The following SYNE1 variants were observed in gnomAD, a reference collection of about 807,000 sequenced individuals.
The protein encoded by SYNE1 is spectrin repeat containing nuclear envelope protein 1, also known as nesprin-1.
Under a neutral mutation model 1,111.0 loss-of-function variants are expected in SYNE1, and 616 were observed. That is an observed-to-expected ratio of 0.55 (90% CI 0.52 to 0.59). The LOEUF (loss-of-function observed/expected upper bound fraction) is 0.59. SYNE1 is among the 20% of genes least tolerant of loss of function. The pLI, the probability that SYNE1 is intolerant of heterozygous loss-of-function variation, is 0.00. For synonymous variants in SYNE1, 3,855 were observed against 3,825.8 expected (o/e 1.01, Z -0.28); for missense variants, 10,006 against 10,417.0 (o/e 0.96, Z 1.72).
intron 38 of SYNE1, among the ~76,000 whole-genome samples, chr6:152,426,331 G>A (rs1380010695): frequency 6.6e-6 from 1 of 152,250 alleles, no homozygotes; most frequent in Non-Finnish European, 1.5e-5. Flanking sequence ...TTAGAGGAAG[G>A]AATACACAGC....
chr6:152,392,344 T>C (rs1394929336), intron 51 of SYNE1, among the ~76,000 whole-genome samples: 1 of 152,232 alleles, frequency 6.6e-6, no homozygotes, highest in East Asian at 1.9e-4. Flanking sequence ...GAGCTCATCT[T>C]AGTTTGGAGC....
chr6:152,498,896 G>C (rs1015308737), intron 10 of SYNE1, 104 bp from the exon 11 acceptor site: 3 of 572,848 alleles, frequency 5.2e-6, no homozygotes, highest in Non-Finnish European at 8.5e-6. Context: ...CGCCTTTAGA[G>C]AAATAGGCAA....
At chr6:152,255,126 T>C in intron 103 of SYNE1, 37 bp from the exon 104 acceptor site, 1 of 1,490,408 alleles carries the variant, frequency 6.7e-7, no homozygotes. Context: ...AGTGTTTAGA[T>C]ACATGAATTG....
chr6:152,200,914 C>A (rs74706335), intron 127 of SYNE1, among the ~76,000 whole-genome samples: 2,308 of 152,250 alleles, frequency 0.015, 55 homozygotes, highest in South Asian at 0.088. Context: ...CTTATAGCCA[C>A]ACTTTTCATG....
intron 133 of SYNE1, among the ~76,000 whole-genome samples, chr6:152,152,418 C>T (rs1347049156): frequency 6.6e-6 from 1 of 152,154 alleles, no homozygotes; most frequent in African/African-American, 2.4e-5. Context: ...GACACACACA[C>T]ATACATACAC....
rs1366093544 is a variant in SYNE1, at chr6:152,350,314, C to T, written c.11755G>A (p.Ala3919Thr). ...IGKEHVFSLEAKVKDHEDYNS... is the reference protein window; with the variant it reads ...IGKEHVFSLETKVKDHEDYNS... Reference sequence around the variant, plus strand: ...TAGTCTTCATGGTCTTTGACTTTCGCCTCCAGACTGAAGACATGCTCCTGC... The same window carrying T: ...TAGTCTTCATGGTCTTTGACTTTCGTCTCCAGACTGAAGACATGCTCCTGC... Residue 3919 changes from alanine (A) to threonine (T), a missense_variant, in exon 72 of 146, where the codon GCG becomes ACG. Ala to Thr is a moderately conservative substitution (Grantham distance 58, BLOSUM62 0). This residue lies in a region of SYNE1 where 4,955 missense variants were observed against 5,017.2 expected (regional missense o/e 0.99). Coordinates refer to ENST00000367255, the MANE Select transcript of SYNE1 (RefSeq NM_182961.4). 5 of 1,614,128 alleles carry T rather than the reference C, an allele frequency of 3.1e-6. No individual in the cohort carries two copies. The Admixed American group carries it at 6.7e-5, about 22-fold the overall frequency.
rs2099082383 is a variant in SYNE1, at chr6:152,511,040, A to T, written c.373T>A (p.Leu125Met). Residue 125 changes from leucine (L) to methionine (M), a missense_variant, in exon 7 of 146, where the codon TTG becomes ATG. By Grantham distance (15) the Leu-to-Met change is conservative (BLOSUM62 2). This residue lies in a region of SYNE1 where 1,971 missense variants were observed against 2,084.1 expected (regional missense o/e 0.95). Coordinates refer to ENST00000367255, the MANE Select transcript of SYNE1 (RefSeq NM_182961.4). ...AAATATAGAATAATGGTCCACATCA[A>T]TCCAAGAACTATTGAGGGTCGGCCA... ...ADGRPSIVLG[L>M]MWTIILYFQI... 6.2e-7 allele frequency: 1 copy of T among 1,614,064 alleles called. No individual in the cohort carries two copies.
intron 128 of SYNE1, among the ~76,000 whole-genome samples, chr6:152,187,972 C>T (rs1435487038): frequency 1.3e-5 from 2 of 152,012 alleles, no homozygotes; most frequent in Non-Finnish European, 2.9e-5. Flanking sequence ...GTGATCCACC[C>T]GCCTCAGCCT....
At chr6:152,387,621 T>G (rs1326775047) in intron 53 of SYNE1, among the ~76,000 whole-genome samples, 1 of 152,210 alleles carries the variant, frequency 6.6e-6, no homozygotes, top group East Asian at 1.9e-4. Context: ...TGGTCATACA[T>G]GCATCTGGAA....
intron 45 of SYNE1, among the ~76,000 whole-genome samples, chr6:152,405,361 T>A (rs1470752219): frequency 6.6e-6 from 1 of 152,200 alleles, no homozygotes; most frequent in African/African-American, 2.4e-5. Flanking sequence ...CCCTGATTTG[T>A]AGCATTTACC....
intron 61 of SYNE1, 147 bp downstream of exon 61, chr6:152,368,825 G>T: frequency 1.0e-6 from 1 of 963,090 alleles, no homozygotes; most frequent in Non-Finnish European, 1.7e-6. Flanking sequence ...GCAAGGCTAA[G>T]GAAACAGCAC....
intron 10 of SYNE1, among the ~76,000 whole-genome samples, chr6:152,501,953 T>G (rs2099032176): frequency 6.6e-6 from 1 of 152,180 alleles, no homozygotes; most frequent in Admixed American, 6.5e-5. Context: ...TATTAAAATA[T>G]TGTATGTATC....
chr6:152,401,175 G>T lies in SYNE1; in HGVS notation c.6992C>A (p.Ala2331Asp). The T allele has an allele frequency of 6.2e-7, 1 of 1,614,008 alleles. No individual in the cohort carries two copies. Among genetic ancestry groups the T allele is most frequent in the East Asian group, 2.2e-5 (1 of 44,870 alleles). ...CAATGCTTCACAAGTCTCATTTTGG[G>T]CACAGTTCATCAACGATTCTTCCAC... ...TKVEESLMNC[A>D]QNETCEALKK... The change falls in exon 47 of 146, where the codon GCC (alanine) becomes GAC (aspartate). Residue 2331 changes from alanine to aspartate, a missense_variant. Physicochemically the swap from Ala to Asp is moderately radical, Grantham distance 126. Around this residue, in one of 7 missense-constraint regions of SYNE1, gnomAD observed 4,955 missense variants for 5,017.2 expected, o/e 0.99. Coordinates refer to ENST00000367255, the MANE Select transcript of SYNE1 (RefSeq NM_182961.4).
intron 62 of SYNE1, 130 bp from the exon 63 acceptor site, chr6:152,365,149 G>T: frequency 1.7e-6 from 2 of 1,158,502 alleles, no homozygotes. Context: ...CCAGTCGGCT[G>T]AGACAGAGGG....
chr6:152,206,469 A>T (rs2076529393), intron 125 of SYNE1, 107 bp from the exon 126 acceptor site: 2 of 1,244,192 alleles, frequency 1.6e-6, no homozygotes, highest in Admixed American at 2.0e-5. Flanking sequence ...TCCAGCAAGC[A>T]TTTACCGTAG....
At chr6:152,612,744 C>G (rs1186147255) in intron 3 of SYNE1, among the ~76,000 whole-genome samples, 2 of 152,126 alleles carry the variant, frequency 1.3e-5, no homozygotes, top group African/African-American at 4.8e-5. Flanking sequence ...TGTGAAAATC[C>G]TCAGTAAAAT....
rs575653977 is a variant in SYNE1 at position 152,219,521 on chromosome 6, A to G, written c.21862-336T>C. 4.0e-5 allele frequency among the ~76,000 whole-genome samples: 6 copies of G among 151,784 alleles called. No individual in the cohort carries two copies. In the South Asian group the frequency reaches 1.2e-3, roughly 32 times the overall value. ...AAAAAAAAAAAACAAACATGACCCA[A>G]GAGTAGAGCCAATAACTGGAAATAT... On this transcript the variant is annotated intron_variant, in intron 119 of 145. Coordinates refer to ENST00000367255, the MANE Select transcript of SYNE1 (RefSeq NM_182961.4).
rs2096802380 is a variant in SYNE1 at position 152,354,640 on chromosome 6, G to A, written c.10926+19C>T. On this transcript the variant is annotated intron_variant, in intron 67 of 145. Transcript: ENST00000367255. Reference sequence around the variant, plus strand: ...TAACTGTAGCTTTGACAAAGATCAGGAATCTACATGAGTTGTACCTTCATC... The same window carrying A: ...TAACTGTAGCTTTGACAAAGATCAGAAATCTACATGAGTTGTACCTTCATC... The A allele has an allele frequency of 6.2e-7, 1 of 1,612,626 alleles. No individual in the cohort carries two copies. The highest frequency in any genetic ancestry group is 8.5e-7 in the Non-Finnish European group (1 of 1,178,666).
At chr6:152,128,048 G>A (rs1317040523) in intron 145 of SYNE1, 4 of 152,090 alleles carry the variant, frequency 2.6e-5, no homozygotes, top group South Asian at 2.1e-4. Flanking sequence ...TGCTACATCC[G>A]GACTACAGTG....
Sources: allele counts gnomAD v4.1 joint callset (sites outside exome capture counted in the v4.1 genomes callset), GRCh38; gene constraint gnomAD v4.1.1; regional missense constraint gnomAD v4.1.1; transcripts MANE v1.5; gene names NCBI Gene and HGNC (gene_info 2026-07-23, HGNC 2026-07-21).